Variants in NXPE1 observed in about 807,000 individuals in gnomAD.
NXPE1 encodes NXPE family member 1.
NXPE1 carries 31 observed loss-of-function variants against 33.3 expected under a neutral mutation model. That is an observed-to-expected ratio of 0.93 (90% CI 0.70 to 1.26). The LOEUF (loss-of-function observed/expected upper bound fraction) is 1.26, where lower values mean the gene tolerates loss of function less well. Ranked by LOEUF, NXPE1 falls within the 50% of genes most tolerant of loss-of-function variation. The pLI is 0.00. For synonymous variants in NXPE1, 229 were observed against 231.4 expected (o/e 0.99, Z 0.09); for missense variants, 661 against 655.6 (o/e 1.01, Z -0.09).
chr11:114,530,649 A>T, exon 6 of NXPE1: 2 of 1,614,160 alleles, frequency 1.2e-6, no homozygotes, highest in Non-Finnish European at 1.7e-6. Context: ...CTCCAGTAGG[A>T]TGTCCAGCTG....
At chr11:114,551,511 T>A in intron 3 of NXPE1, 70 bp from the exon 4 acceptor site, 1 of 685,706 alleles carries the variant, frequency 1.5e-6, no homozygotes, top group Non-Finnish European at 1.9e-6. Context: ...TTACAAGACA[T>A]AACAATTACA....
At chr11:114,532,950 T>A (rs539744150) in intron 5 of NXPE1, among the ~76,000 whole-genome samples, 2 of 152,182 alleles carry the variant, frequency 1.3e-5, no homozygotes, top group African/African-American at 2.4e-5. Flanking sequence ...ATAAAAGGAT[T>A]TGATGTATTT....
At chr11:114,542,533 A>G (rs1948134866) in intron 5 of NXPE1, among the ~76,000 whole-genome samples, 1 of 152,206 alleles carries the variant, frequency 6.6e-6, no homozygotes, top group Non-Finnish European at 1.5e-5. Flanking sequence ...TGCTCTGACA[A>G]TGTAGATACA....
At chr11:114,527,641 T>G (rs183583348) in intron 7 of NXPE1, among the ~76,000 whole-genome samples, 199 bp downstream of exon 7, 136 of 152,350 alleles carry the variant, frequency 8.9e-4, no homozygotes, top group Admixed American at 2.6e-3. Context: ...ACTTTCTCCT[T>G]TTGGATATAT....
At chr11:114,538,728 A>G (rs1298271703) in intron 5 of NXPE1, among the ~76,000 whole-genome samples, 2 of 152,158 alleles carry the variant, frequency 1.3e-5, no homozygotes, top group African/African-American at 4.8e-5. Context: ...TCAAAACCAC[A>G]ATGAGATACC....
exon 8 of NXPE1, chr11:114,522,975 T>C (rs753618211): frequency 2.1e-5 from 34 of 1,613,758 alleles, no homozygotes; most frequent in Non-Finnish European, 2.8e-5. Flanking sequence ...TTTATCTTAA[T>C]TGTGTCTAAC....
chr11:114,542,645 C>T (rs1948139890), intron 5 of NXPE1, among the ~76,000 whole-genome samples: 2 of 152,012 alleles, frequency 1.3e-5, no homozygotes. Flanking sequence ...AAGGACATTA[C>T]TTCAAATCAG....
chr11:114,549,879 A>G (rs931860225), intron 5 of NXPE1, among the ~76,000 whole-genome samples: 1 of 152,086 alleles, frequency 6.6e-6, no homozygotes, highest in Admixed American at 6.5e-5. Flanking sequence ...ATTTAGTAAA[A>G]TAGTAGGAAA....
chr11:114,539,931 A>G (rs1223861235), intron 5 of NXPE1, among the ~76,000 whole-genome samples: 1 of 152,204 alleles, frequency 6.6e-6, no homozygotes, highest in Non-Finnish European at 1.5e-5. Context: ...CACACACTAC[A>G]TACTAAAGTT....
intron 5 of NXPE1, among the ~76,000 whole-genome samples, chr11:114,536,306 A>C (rs1392914005): frequency 6.6e-6 from 1 of 152,242 alleles, no homozygotes; most frequent in Non-Finnish European, 1.5e-5. Flanking sequence ...AATTTATAGC[A>C]CTAAATGCCC....
intron 1 of NXPE1, chr11:114,554,087 A>G (rs78581044): frequency 1.4e-5 from 14 of 985,396 alleles, no homozygotes; most frequent in Non-Finnish European, 1.7e-5. Flanking sequence ...CTTGGCCACT[A>G]TCTGACTCAC....
chr11:114,547,506 A>G (rs1159387809), intron 5 of NXPE1, among the ~76,000 whole-genome samples: 1 of 152,164 alleles, frequency 6.6e-6, no homozygotes, highest in Non-Finnish European at 1.5e-5. Context: ...AGGCTGAGGC[A>G]GGTTGATCAC....
At chr11:114,548,310 C>T (rs1286792252) in intron 5 of NXPE1, among the ~76,000 whole-genome samples, 1 of 151,978 alleles carries the variant, frequency 6.6e-6, no homozygotes, top group Non-Finnish European at 1.5e-5. Context: ...AACTAATAAC[C>T]ATAAAGACAG....
intron 1 of NXPE1, chr11:114,553,621 CT>C (rs1948577790): frequency 7.3e-6 from 5 of 686,854 alleles, no homozygotes; most frequent in Non-Finnish European, 9.0e-6. Flanking sequence ...CCATAAGTAA[CT>C]GCAAATCAGA....
intron 5 of NXPE1, among the ~76,000 whole-genome samples, chr11:114,547,136 G>C (rs138375320): frequency 5.3e-5 from 8 of 152,096 alleles, no homozygotes; most frequent in African/African-American, 1.7e-4. Flanking sequence ...TAAAGAGCAG[G>C]GTGGGGCAGA....
intron 6 of NXPE1, 126 bp downstream of exon 6, chr11:114,530,049 C>A (rs952724696): frequency 3.0e-6 from 3 of 988,034 alleles, no homozygotes; most frequent in Non-Finnish European, 4.5e-6. Context: ...CCCAAGAAGA[C>A]ACCACATGTC....
downstream of NXPE1, among the ~76,000 whole-genome samples, chr11:114,520,553 G>A (rs189466546): frequency 2.0e-5 from 3 of 152,178 alleles, no homozygotes; most frequent in African/African-American, 7.2e-5. Context: ...CTTGGCTATT[G>A]TGAATAATGC....
chr11:114,529,984 G>A (rs866543459), intron 6 of NXPE1, 191 bp downstream of exon 6: 1 of 562,654 alleles, frequency 1.8e-6, no homozygotes, highest in East Asian at 2.8e-5. Context: ...ACACATGACT[G>A]AATGGGACAA....
Sources: gnomAD v4.1 joint callset for allele counts (sites outside exome capture counted in the v4.1 genomes callset) on GRCh38, gnomAD v4.1.1 for gene constraint, MANE v1.5 for transcripts, NCBI Gene and HGNC (gene_info 2026-07-23, HGNC 2026-07-21) for gene names.